The following MLIP variants were observed in gnomAD, a reference collection of about 807,000 sequenced individuals.
The protein encoded by MLIP is muscular LMNA interacting protein, also known as muscular LMNA-interacting protein.
In MLIP, 79 loss-of-function variants were observed where a neutral mutation model predicts 84.8. That is an observed-to-expected ratio of 0.93 (90% CI 0.78 to 1.12). MLIP has a LOEUF of 1.12. MLIP is among the 50% of genes most tolerant of loss of function. MLIP has a pLI of 0.00. For missense variants in MLIP, 1,257 were observed against 1,160.6 expected, an observed-to-expected ratio of 1.08 and a Z score of -1.21; for synonymous variants, 504 against 463.0, an observed-to-expected ratio of 1.09 and a Z score of -1.14.
chr6:54,083,675 A>G lies in MLIP; in HGVS notation c.64-37772A>G, dbSNP rs971719021. The G allele has an allele frequency of 3.1e-5, 47 of 1,501,368 alleles. 1 individual carries two copies. The highest frequency in any genetic ancestry group is 2.5e-4 in the African/African-American group (18 of 72,318). The allele number at this position is 1,501,368 out of a possible 1,614,324, so 93.0% of individuals were successfully genotyped here. ...GATACTGTCACCCTGTTATACATTTAACATCAATGATAGCTGTGTACTGTC... is the reference window on the plus strand; with the variant it reads ...GATACTGTCACCCTGTTATACATTTGACATCAATGATAGCTGTGTACTGTC... On this transcript the variant is annotated intron_variant, in intron 1 of 12. Transcript: ENST00000274897.
intron 4 of MLIP, among the ~76,000 whole-genome samples, chr6:54,143,617 A>G (rs967387856): frequency 6.6e-6 from 1 of 152,194 alleles, no homozygotes; most frequent in Admixed American, 6.5e-5. Context: ...TTACGTCATG[A>G]AGAAAAATGA....
At position 54,121,594 on chromosome 6, in the gene MLIP, GTAAA is replaced by G; in HGVS notation, c.247_250del (p.Asn83GlyfsTer8). The stretch of plus-strand genomic sequence containing the variant: ...ATCAAGTGATAAGAGTCCAGAAACT[GTAAA>G]TAGGGTAGGATTATTTTTATTCTTT... On this transcript the variant is annotated frameshift_variant, in exon 2 of 14. Coordinates refer to ENST00000502396, the MANE Select transcript of MLIP (RefSeq NM_001281747.2). LOFTEE classifies it high-confidence loss of function. 1 of 1,593,894 alleles carries G rather than the reference GTAAA, an allele frequency of 6.3e-7. No homozygotes were observed. Among genetic ancestry groups the G allele is most frequent in the Non-Finnish European group, 8.5e-7 (1 of 1,171,486 alleles).
intron 11 of MLIP, chr6:54,217,511 C>T (rs1366763353): frequency 2.0e-6 from 2 of 985,204 alleles, no homozygotes; most frequent in Non-Finnish European, 2.4e-6. Context: ...AATATATTCA[C>T]TGCATATTTG....
chr6:54,266,236 C>T lies in MLIP; in HGVS notation c.*281C>T. ...AAGCTGACCGCAATACTAACGTGCC[C>T]CTATATTTGGCAGCCAAATAAAGAA... is the stretch of plus-strand genomic sequence containing the variant. On this transcript the variant is annotated 3_prime_UTR_variant, in exon 14 of 14. Coordinates refer to ENST00000502396, the MANE Select transcript of MLIP (RefSeq NM_001281747.2). 1 of 334,782 alleles carries T rather than the reference C, an allele frequency of 3.0e-6. No individual in the cohort carries two copies. 20.7% of individuals were successfully genotyped at this position (334,782 alleles called of 1,614,324 possible). A position where few individuals can be genotyped will look rare whatever the true frequency, so the allele number is the denominator to read the frequency against.
In MLIP at chr6:54,023,877, C is replaced by T. The variant is rs554095633; in HGVS notation, c.63+4786C>T. On this transcript the variant is annotated intron_variant, in intron 1 of 12. Coordinates refer to the MLIP transcript ENST00000274897. ...GAGCCACTGTGCCTGGCCCATACCA[C>T]TTATTTTTAAATACAGCAAAAGAGA... Among the ~76,000 whole-genome samples the T allele has an allele frequency of 2.6e-5, 4 of 152,034 alleles. No individual in the cohort carries two copies. The East Asian group carries it at 7.8e-4, about 30-fold the overall frequency.
At chr6:54,257,953 A>T (rs1014759833) in intron 13 of MLIP, among the ~76,000 whole-genome samples, 11 of 152,102 alleles carry the variant, frequency 7.2e-5, no homozygotes, top group South Asian at 6.2e-4. Flanking sequence ...TTCTTTTTTT[A>T]AAAAAATGCT....
Position 54,137,948 on chromosome 6 carries a change from G to T in MLIP, c.1879G>T (p.Ala627Ser), listed in dbSNP as rs1375058417. The T allele has an allele frequency of 6.5e-7, 1 of 1,536,046 alleles. No individual in the cohort carries two copies. Among genetic ancestry groups the T allele is most frequent in the Non-Finnish European group, 8.7e-7 (1 of 1,146,880 alleles). Reference sequence around the variant, plus strand: ...AAGCCTGATAAACAGATCTAAAAGAGCATCATCCCAACTATCTGGCCAGGA... The same window carrying T: ...AAGCCTGATAAACAGATCTAAAAGATCATCATCCCAACTATCTGGCCAGGA... ...LSSLINRSKR[A>S]SSQLSGQELN... The change falls in exon 4 of 14, where the codon GCA (alanine) becomes TCA (serine). Residue 627 changes from alanine (A) to serine (S), a missense_variant. Coordinates refer to ENST00000502396, the MANE Select transcript of MLIP (RefSeq NM_001281747.2).
chr6:54,260,661 T>G (rs1160094121), intron 13 of MLIP, among the ~76,000 whole-genome samples: 1 of 152,004 alleles, frequency 6.6e-6, no homozygotes, highest in East Asian at 1.9e-4. Context: ...AAAACTTGAG[T>G]GACAACAAAT....
At chr6:54,024,528 C>G (rs1763688891) in intron 1 of MLIP, among the ~76,000 whole-genome samples, 1 of 152,172 alleles carries the variant, frequency 6.6e-6, no homozygotes, top group South Asian at 2.1e-4. Flanking sequence ...ACAAAACAGA[C>G]TTTCAAATCA....
intron 1 of MLIP, among the ~76,000 whole-genome samples, chr6:54,073,500 T>C (rs1358547561): frequency 6.6e-6 from 1 of 152,190 alleles, no homozygotes; most frequent in East Asian, 1.9e-4. Flanking sequence ...CCTAAACGCA[T>C]GTACTTTCAT....
In MLIP at chr6:54,186,414, A is replaced by G. The variant is rs181369437; in HGVS notation, c.2545-3456A>G. On this transcript the variant is annotated intron_variant, in intron 9 of 13. Coordinates refer to ENST00000502396, the MANE Select transcript of MLIP (RefSeq NM_001281747.2). Reference sequence around the variant, plus strand: ...TAAATGCAGAAATGCTCGATAAAACATAAGTAATCCCTGGATGCCATAAAT... The same window carrying G: ...TAAATGCAGAAATGCTCGATAAAACGTAAGTAATCCCTGGATGCCATAAAT... 6.6e-5 allele frequency among the ~76,000 whole-genome samples: 10 copies of G among 152,354 alleles called. No homozygotes were observed. The East Asian group carries it at 1.3e-3, about 21-fold the overall frequency.
intron 9 of MLIP, among the ~76,000 whole-genome samples, chr6:54,172,891 T>TA (rs1381265916): frequency 1.3e-5 from 2 of 151,706 alleles, no homozygotes; most frequent in African/African-American, 4.8e-5. Context: ...GTGGTCTTCT[T>TA]AAAATGCAGG....
intron 1 of MLIP, among the ~76,000 whole-genome samples, chr6:54,022,768 A>T (rs1285588162): frequency 1.3e-5 from 2 of 152,232 alleles, no homozygotes; most frequent in Non-Finnish European, 2.9e-5. Context: ...GATTATAAGA[A>T]GAAACAGATC....
chr6:54,228,193 A>C (rs1780729108), intron 11 of MLIP, among the ~76,000 whole-genome samples: 1 of 113,632 alleles, frequency 8.8e-6, no homozygotes, highest in South Asian at 2.9e-4. Context: ...AAAAAAAAAA[A>C]AAAAAAAAAA....
chr6:54,023,223 A>C (rs1023315025), intron 1 of MLIP, among the ~76,000 whole-genome samples: 1 of 151,516 alleles, frequency 6.6e-6, no homozygotes, highest in Non-Finnish European at 1.5e-5. Context: ...ATATGATTCA[A>C]CTTATTTTAT....
intron 11 of MLIP, among the ~76,000 whole-genome samples, chr6:54,221,985 T>C (rs1435451277): frequency 1.3e-5 from 2 of 152,084 alleles, no homozygotes; most frequent in African/African-American, 4.8e-5. Flanking sequence ...TTGAAAATTT[T>C]GCTTTTTCAT....
intron 9 of MLIP, among the ~76,000 whole-genome samples, chr6:54,173,531 C>T (rs1161417811): frequency 1.3e-5 from 2 of 151,730 alleles, no homozygotes; most frequent in African/African-American, 2.4e-5. Context: ...TTATGACACT[C>T]ATTTTTAAAC....
At chr6:54,250,901 C>T (rs192380380) in intron 12 of MLIP, among the ~76,000 whole-genome samples, 1 of 152,116 alleles carries the variant, frequency 6.6e-6, no homozygotes, top group African/African-American at 2.4e-5. Context: ...TGATAAGACT[C>T]AATACTTTTA....
chr6:54,185,254 C>T lies in MLIP; in HGVS notation c.2545-4616C>T, dbSNP rs185543984. ...AAACCTGGTTACTTTAGTGATAAAA[C>T]ATATAAGTCACTATTCTTCCTCTTT... On this transcript the variant is annotated intron_variant, in intron 9 of 13. Transcript: ENST00000502396. Among the ~76,000 whole-genome samples, 67 of 152,272 alleles carry T rather than the reference C, an allele frequency of 4.4e-4. 1 individual carries two copies. Among genetic ancestry groups the T allele is most frequent in the African/African-American group, 1.6e-3 (65 of 41,554 alleles).
Sources: gnomAD v4.1 joint callset for allele counts (sites outside exome capture counted in the v4.1 genomes callset) on GRCh38, gnomAD v4.1.1 for gene constraint, MANE v1.5 for transcripts, NCBI Gene and HGNC (gene_info 2026-07-23, HGNC 2026-07-21) for gene names.